The following NOL4L variants were observed in gnomAD, a reference collection of about 807,000 sequenced individuals.
The protein encoded by NOL4L is nucleolar protein 4-like.
NOL4L carries 7 observed loss-of-function variants against 64.5 expected under a neutral mutation model. The ratio of observed to expected loss-of-function variants is 0.11; its 90% CI spans 0.06 to 0.20. The LOEUF (loss-of-function observed/expected upper bound fraction) is 0.20, where lower values mean the gene tolerates loss of function less well. NOL4L is among the 10% of genes least tolerant of loss of function. The pLI is 1.00. For missense variants in NOL4L, 680 were observed against 967.1 expected, an observed-to-expected ratio of 0.70 and a Z score of 3.94; for synonymous variants, 413 against 401.0, an observed-to-expected ratio of 1.03 and a Z score of -0.36.
intron 5 of NOL4L, among the ~76,000 whole-genome samples, chr20:32,461,515 C>T (rs1332777530): frequency 2.7e-5 from 4 of 149,712 alleles, no homozygotes; most frequent in African/African-American, 9.8e-5. Context: ...CTCCGCCTCC[C>T]GGGTTCATGC....
chr20:32,569,695 C>T (rs1979642788), intron 1 of NOL4L, among the ~76,000 whole-genome samples: 1 of 152,138 alleles, frequency 6.6e-6, no homozygotes, highest in African/African-American at 2.4e-5. Context: ...AGCTGGAGAG[C>T]ACACCAGCCC....
intron 1 of NOL4L, among the ~76,000 whole-genome samples, chr20:32,557,990 C>A (rs1299997055): frequency 7.9e-5 from 12 of 152,178 alleles, no homozygotes; most frequent in African/African-American, 2.9e-4. Flanking sequence ...GAGGTGGAGG[C>A]TGCAGTGAGC....
intron 4 of NOL4L, among the ~76,000 whole-genome samples, chr20:32,488,795 CTT>C (rs762340184): frequency 3.4e-4 from 16 of 47,078 alleles, no homozygotes; most frequent in South Asian, 7.2e-4. Flanking sequence ...TCCTTCCTTT[CTT>C]TCTTTCTTTT....
chr20:32,488,867 CTTTCTTT>C (rs2016318760), intron 4 of NOL4L, among the ~76,000 whole-genome samples: 1 of 82,594 alleles, frequency 1.2e-5, no homozygotes, highest in Non-Finnish European at 2.3e-5. Flanking sequence ...TTCTTTCTTT[CTTTCTTT>C]CTTTCTTTCT....
chr20:32,471,303 G>A (rs1279033831), intron 5 of NOL4L, among the ~76,000 whole-genome samples: 1 of 150,782 alleles, frequency 6.6e-6, no homozygotes, highest in African/African-American at 2.4e-5. Flanking sequence ...AGGCTCAGAG[G>A]CATGCTCCTG....
At chr20:32,554,086 C>T (rs924481391) in intron 1 of NOL4L, among the ~76,000 whole-genome samples, 2 of 152,054 alleles carry the variant, frequency 1.3e-5, no homozygotes, top group African/African-American at 4.8e-5. Context: ...TTTGGGAGGC[C>T]AAGGCGGGCG....
intron 1 of NOL4L, among the ~76,000 whole-genome samples, chr20:32,584,100 C>A (rs1481963629): frequency 7.1e-6 from 1 of 141,234 alleles, no homozygotes; most frequent in Non-Finnish European, 1.6e-5. Context: ...CTCCCTCCCC[C>A]CCCCCCACCC....
intron 1 of NOL4L, among the ~76,000 whole-genome samples, chr20:32,529,038 T>C (rs1439868956): frequency 6.6e-6 from 1 of 152,196 alleles, no homozygotes; most frequent in Non-Finnish European, 1.5e-5. Flanking sequence ...CTCCAGCACT[T>C]ACAACAGTGC....
intron 4 of NOL4L, chr20:32,486,904 CCACAA>C (rs780249534): frequency 6.8e-4 from 281 of 410,482 alleles, no homozygotes; most frequent in Non-Finnish European, 1.3e-3. Flanking sequence ...AAGAGAAACT[CCACAA>C]CACAACAGTC....
At position 32,554,767 on chromosome 20, in the gene NOL4L, G is replaced by A. The variant is rs1248033208; in HGVS notation, c.322-26854C>T. Among the ~76,000 whole-genome samples, 5 of 152,176 alleles carry A rather than the reference G, an allele frequency of 3.3e-5. No individual in the cohort carries two copies. The South Asian group carries it at 6.2e-4, about 19-fold the overall frequency. Reference sequence around the variant, plus strand: ...TTCAAGCCAGGTCATCCAAATCAGGGTAGGGGACAAGGAAGGGGCTAGGGA... The same window carrying A: ...TTCAAGCCAGGTCATCCAAATCAGGATAGGGGACAAGGAAGGGGCTAGGGA... On this transcript the variant is annotated intron_variant, in intron 1 of 10. Transcript: ENST00000621426.
intron 1 of NOL4L, among the ~76,000 whole-genome samples, chr20:32,538,496 TC>T (rs2018595095): frequency 2.4e-5 from 1 of 41,006 alleles, no homozygotes; most frequent in Non-Finnish European, 5.1e-5. Flanking sequence ...CCTCCCTCCC[TC>T]CCTCCTCCTT....
chr20:32,520,861 G>A lies in NOL4L; in HGVS notation c.539C>T (p.Thr180Met), dbSNP rs770267998. Residue 180 changes from threonine to methionine, a missense_variant, in exon 3 of 11, where the codon ACG (threonine) becomes ATG (methionine). Physicochemically the swap from Thr to Met is moderately conservative, Grantham distance 81 (BLOSUM62 -1). Coordinates refer to ENST00000621426, the MANE Select transcript of NOL4L (RefSeq NM_001256798.2). Reference sequence around the variant, plus strand: ...AAAGTGCATCCTCTTCTGACACTCCGTACAGCTCATCAGGAACCGGGTCAC... The same window carrying A: ...AAAGTGCATCCTCTTCTGACACTCCATACAGCTCATCAGGAACCGGGTCAC... Reference protein sequence around the residue: ...EAVTRFLMSCTECQKRMHFNS... With the variant: ...EAVTRFLMSCMECQKRMHFNS... 5.2e-6 allele frequency: 8 copies of A among 1,550,666 alleles called. No individual in the cohort carries two copies. Among genetic ancestry groups the A allele is most frequent in the South Asian group, 1.2e-5 (1 of 84,036 alleles).
chr20:32,473,322 G>T (rs1005962170), intron 5 of NOL4L, among the ~76,000 whole-genome samples: 4 of 152,126 alleles, frequency 2.6e-5, no homozygotes, highest in Non-Finnish European at 5.9e-5. Flanking sequence ...CAGCTGCTGC[G>T]CTTGTCCCAG....
intron 4 of NOL4L, among the ~76,000 whole-genome samples, chr20:32,480,115 T>C (rs1280834663): frequency 6.6e-6 from 1 of 152,208 alleles, no homozygotes; most frequent in Admixed American, 6.5e-5. Context: ...ATTTTACAAC[T>C]GGGGTCAATT....
At chr20:32,496,050 C>T (rs1323695032) in intron 4 of NOL4L, among the ~76,000 whole-genome samples, 1 of 152,204 alleles carries the variant, frequency 6.6e-6, no homozygotes, top group Non-Finnish European at 1.5e-5. Context: ...CCCTGCTTCC[C>T]TCTGGCAGAG....
intron 3 of NOL4L, among the ~76,000 whole-genome samples, chr20:32,516,728 C>T (rs181277754): frequency 6.6e-6 from 1 of 152,230 alleles, no homozygotes; most frequent in East Asian, 1.9e-4. Flanking sequence ...GTGTGAGAGC[C>T]GGGAGAGGCC....
intron 1 of NOL4L, among the ~76,000 whole-genome samples, chr20:32,564,816 G>A (rs753510710): frequency 1.7e-4 from 26 of 152,262 alleles, no homozygotes; most frequent in Non-Finnish European, 2.6e-4. Context: ...GCTGAAGCAG[G>A]TGCGGCTAGA....
chr20:32,569,529 G>A (rs1391713781), intron 1 of NOL4L, among the ~76,000 whole-genome samples: 1 of 152,094 alleles, frequency 6.6e-6, no homozygotes, highest in African/African-American at 2.4e-5. Context: ...TTGCACTCCC[G>A]CACTCCCTAG....
intron 1 of NOL4L, chr20:32,535,406 T>C (rs568819738): frequency 1.7e-4 from 28 of 165,788 alleles, no homozygotes; most frequent in South Asian, 4.0e-4. Context: ...AATAAATACA[T>C]AAACAAGGCG....
Sources: gnomAD v4.1 joint callset for allele counts (sites outside exome capture counted in the v4.1 genomes callset) on GRCh38, gnomAD v4.1.1 for gene constraint, MANE v1.5 for transcripts, NCBI Gene and HGNC (gene_info 2026-07-23, HGNC 2026-07-21) for gene names.